SLC44A5: variants seen among roughly 807,000 people sequenced by gnomAD.
The protein encoded by SLC44A5 is choline transporter-like protein 5.
A neutral mutation model predicts 101.8 loss-of-function variants in SLC44A5; 57 were observed. The observed-to-expected ratio is 0.56, with a 90% CI of 0.45 to 0.70. The LOEUF (loss-of-function observed/expected upper bound fraction) is 0.70. Ranked by LOEUF, SLC44A5 falls within the 30% of genes least tolerant of loss-of-function variation. The pLI is 0.00. For missense variants in SLC44A5, 737 were observed against 853.1 expected (o/e 0.86, Z 1.70); for synonymous variants, 281 against 290.9 (o/e 0.97, Z 0.35).
At chr1:75,402,057 C>A (rs182099766) in intron 2 of SLC44A5, among the ~76,000 whole-genome samples, 2 of 152,020 alleles carry the variant, frequency 1.3e-5, no homozygotes, top group Admixed American at 6.6e-5. Context: ...CCAAAGTCTA[C>A]AAAATCATAA....
At chr1:75,440,764 G>A (rs1211850442) in intron 2 of SLC44A5, among the ~76,000 whole-genome samples, 1 of 152,000 alleles carries the variant, frequency 6.6e-6, no homozygotes, top group Non-Finnish European at 1.5e-5. Flanking sequence ...TTTCAAGAAT[G>A]AGGGCAAGAA....
chr1:75,647,839 C>T, the SLC44A5 span, among the ~76,000 whole-genome samples: 8 of 152,306 alleles, frequency 5.3e-5, no homozygotes, highest in South Asian at 2.1e-4. Context: ...GTAACTAACT[C>T]GCTTTTGATT....
the SLC44A5 span, among the ~76,000 whole-genome samples, chr1:75,673,255 C>T: frequency 2.0e-5 from 3 of 150,486 alleles, no homozygotes; most frequent in Admixed American, 6.6e-5. Context: ...AGGTCTTGGG[C>T]CTTGAGTGAA....
At chr1:75,357,045 G>C in intron 3 of SLC44A5, 1 of 381,778 alleles carries the variant, frequency 2.6e-6, no homozygotes, top group Admixed American at 3.1e-5. Context: ...TCCTTAAGTG[G>C]CACATCGTTG....
At chr1:75,440,418 C>G (rs1301755621) in intron 2 of SLC44A5, among the ~76,000 whole-genome samples, 2 of 151,986 alleles carry the variant, frequency 1.3e-5, no homozygotes, top group Admixed American at 1.3e-4. Context: ...TGAGGAAAAG[C>G]AAGAATGCCA....
chr1:75,624,160 G>A, the SLC44A5 span, among the ~76,000 whole-genome samples: 2 of 152,070 alleles, frequency 1.3e-5, no homozygotes, highest in Non-Finnish European at 2.9e-5. Flanking sequence ...GAAGAGCTGA[G>A]CCCCAAAAAG....
chr1:75,629,205 A>AT, the SLC44A5 span, among the ~76,000 whole-genome samples: 1 of 136,646 alleles, frequency 7.3e-6, no homozygotes, highest in African/African-American at 2.5e-5. Context: ...TATGTTGTTT[A>AT]TTTTTTTCCC....
At chr1:75,311,497 T>TA in intron 4 of SLC44A5, 1 of 940,742 alleles carries the variant, frequency 1.1e-6, no homozygotes, top group Non-Finnish European at 1.3e-6. Context: ...TCAGTTCTCT[T>TA]ACAACAAAGC....
At chr1:75,600,800 A>G (rs1044998653) in intron 1 of SLC44A5, among the ~76,000 whole-genome samples, 2 of 152,160 alleles carry the variant, frequency 1.3e-5, no homozygotes, top group African/African-American at 4.8e-5. Flanking sequence ...AGGCTATACC[A>G]TATAGCCTAT....
rs1389097996 is a variant in SLC44A5, at chr1:75,341,465, G to T, written c.53-1835C>A. On this transcript the variant is annotated intron_variant, in intron 3 of 23. Coordinates refer to ENST00000370859, the MANE Select transcript of SLC44A5 (RefSeq NM_001130058.2). Reference sequence around the variant, plus strand: ...GCACTGTACTCCAGCTTGGGCGAGAGAGCAAGACAGATGAGAGAAAGAAAA... The same window carrying T: ...GCACTGTACTCCAGCTTGGGCGAGATAGCAAGACAGATGAGAGAAAGAAAA... Among the ~76,000 whole-genome samples, 4 of 151,550 alleles carry T rather than the reference G, an allele frequency of 2.6e-5. No individual in the cohort carries two copies. The South Asian group carries it at 8.3e-4, about 32-fold the overall frequency.
chr1:75,203,775 A>G lies in SLC44A5; in HGVS notation c.2106T>C (p.Pro702=), dbSNP rs1336487923. The change falls in exon 24 of 24, where the codon CCT becomes CCC. Residue 702 remains proline (P), a synonymous_variant. Coordinates refer to ENST00000370859, the MANE Select transcript of SLC44A5 (RefSeq NM_001130058.2). Reference sequence around the variant, plus strand: ...TTTCCTCCTGGAAAATCTTCAGCAAAGGTTGACTCACATAATAAGGTCTTG... The same window carrying G: ...TTTCCTCCTGGAAAATCTTCAGCAAGGGTTGACTCACATAATAAGGTCTTG... ...STARPYYVSQ[P]LLKIFQEENP... 2 of 1,550,080 alleles carry G rather than the reference A, an allele frequency of 1.3e-6. No homozygotes were observed. Among genetic ancestry groups the G allele is most frequent in the East Asian group, 2.4e-5 (1 of 40,868 alleles).
At chr1:75,209,526 T>C (rs1025808495) in intron 23 of SLC44A5, among the ~76,000 whole-genome samples, 1 of 152,196 alleles carries the variant, frequency 6.6e-6, no homozygotes, top group Non-Finnish European at 1.5e-5. Flanking sequence ...TGGCTTTCCT[T>C]AGACCACTGA....
At chr1:75,569,104 G>C (rs1362243003) in intron 1 of SLC44A5, among the ~76,000 whole-genome samples, 1 of 151,956 alleles carries the variant, frequency 6.6e-6, no homozygotes, top group Non-Finnish European at 1.5e-5. Flanking sequence ...GGAACGTCCA[G>C]CCCCATCACT....
intron 2 of SLC44A5, among the ~76,000 whole-genome samples, chr1:75,493,483 G>T (rs1024388776): frequency 6.6e-6 from 1 of 152,024 alleles, no homozygotes; most frequent in East Asian, 1.9e-4. Context: ...AGATAAATCA[G>T]CAACAAGCAG....
rs771124720 is a variant in SLC44A5 at position 75,602,964 on chromosome 1, T to A, written c.-70+8076A>T. Among the ~76,000 whole-genome samples the A allele has an allele frequency of 2.3e-3, 347 of 152,152 alleles. 2 individuals are homozygous for A. Among genetic ancestry groups the A allele is most frequent in the Non-Finnish European group, 6.6e-4 (45 of 67,976 alleles). ...AAAATGTAAATTTATTTATGTATAT[T>A]TAATTTGGGTTTGAGAGTTTTTCAA... On this transcript the variant is annotated intron_variant, in intron 1 of 23. Transcript: ENST00000370859.
At chr1:75,376,380 G>A (rs1313030) in intron 3 of SLC44A5, among the ~76,000 whole-genome samples, 75,190 of 151,904 alleles carry the variant, frequency 0.49, 20,210 homozygotes, top group East Asian at 0.94. Flanking sequence ...CACCCCTGGG[G>A]GCAGGGCACA....
chr1:75,630,770 C>T, the SLC44A5 span, among the ~76,000 whole-genome samples: 26 of 152,212 alleles, frequency 1.7e-4, no homozygotes, highest in East Asian at 4.1e-3. Context: ...TGCAACTCCC[C>T]ATGCTTTAAG....
the SLC44A5 span, among the ~76,000 whole-genome samples, chr1:75,710,735 A>G: frequency 6.6e-6 from 1 of 152,108 alleles, no homozygotes; most frequent in Non-Finnish European, 1.5e-5. Context: ...TTATGGTTGC[A>G]ACAAAGATCT....
At chr1:75,471,140 CT>C (rs1013659456) in intron 2 of SLC44A5, among the ~76,000 whole-genome samples, 2 of 151,762 alleles carry the variant, frequency 1.3e-5, no homozygotes, top group East Asian at 1.9e-4. Context: ...ATTTTTTAAC[CT>C]TTTTTTTACG....
Sources: allele counts gnomAD v4.1 joint callset (sites outside exome capture counted in the v4.1 genomes callset), GRCh38; gene constraint gnomAD v4.1.1; transcripts MANE v1.5; gene names NCBI Gene and HGNC (gene_info 2026-07-23, HGNC 2026-07-21).